The following LHX8 variants were observed in gnomAD, a reference collection of about 807,000 sequenced individuals.
The protein encoded by LHX8 is LIM/homeobox protein Lhx8.
In LHX8, 12 loss-of-function variants were observed where a neutral mutation model predicts 40.3. The ratio of observed to expected loss-of-function variants is 0.30; its 90% CI spans 0.19 to 0.48. LHX8 has a LOEUF of 0.48. Among genes scored for constraint, LHX8 ranks in the 20% least tolerant of loss-of-function variants. The probability of loss-of-function intolerance (pLI) is 0.99; values close to 1 mark genes in which losing one functional copy is unlikely to be tolerated. For synonymous variants in LHX8, 179 were observed against 162.0 expected, an observed-to-expected ratio of 1.10 and a Z score of -0.80; for missense variants, 344 against 433.7, an observed-to-expected ratio of 0.79 and a Z score of 1.84.
At chr1:75,171,094 A>G in the LHX8 span, among the ~76,000 whole-genome samples, 67 of 152,310 alleles carry the variant, frequency 4.4e-4, no homozygotes, top group African/African-American at 1.6e-3. Flanking sequence ...TGGCCTGGGA[A>G]CAAGCCAACT....
the LHX8 span, among the ~76,000 whole-genome samples, chr1:75,178,322 G>A: frequency 1.3e-5 from 2 of 151,784 alleles, no homozygotes; most frequent in Non-Finnish European, 2.9e-5. Context: ...TTTGTTGGTA[G>A]GCTATTAATT....
intron 7 of LHX8, among the ~76,000 whole-genome samples, chr1:75,155,860 C>T (rs1018085892): frequency 2.0e-5 from 3 of 152,174 alleles, no homozygotes; most frequent in African/African-American, 7.2e-5. Flanking sequence ...AGAAATTGAA[C>T]TCAGCAGGTT....
chr1:75,185,299 A>G, the LHX8 span, among the ~76,000 whole-genome samples: 1 of 152,258 alleles, frequency 6.6e-6, no homozygotes, highest in African/African-American at 2.4e-5. Flanking sequence ...GACACAACAG[A>G]AAAAGAAGAC....
Position 75,136,705 on chromosome 1 carries a change from C to G in LHX8, c.75+16C>G. The G allele has an allele frequency of 7.8e-6, 12 of 1,538,324 alleles. No homozygotes were observed. Among genetic ancestry groups the G allele is most frequent in the Non-Finnish European group, 9.6e-6 (11 of 1,143,982 alleles). Reference sequence around the variant, plus strand: ...AGAGGGACTGGTGAGTGCGGAGGGGCTCGCGTGCTGGCAAGACTGGCCGTG... The same window carrying G: ...AGAGGGACTGGTGAGTGCGGAGGGGGTCGCGTGCTGGCAAGACTGGCCGTG... On this transcript the variant is annotated intron_variant, in intron 2 of 8. Transcript: ENST00000356261.
At position 75,143,350 on chromosome 1, in the gene LHX8, C is replaced by T. The variant is rs768239726; in HGVS notation, c.580+12C>T. The T allele has an allele frequency of 6.3e-7, 1 of 1,586,256 alleles. No individual in the cohort carries two copies. Among genetic ancestry groups the T allele is most frequent in the Admixed American group, 1.7e-5 (1 of 59,464 alleles). On this transcript the variant is annotated intron_variant, in intron 5 of 8. Transcript: ENST00000356261. The stretch of plus-strand genomic sequence containing the variant: ...AGAAGTAGAAAATGGTAAATATGTA[C>T]TTAAATACTTTTGAGTCTTTTGAGA...
At chr1:75,131,049 C>A, upstream of LHX8, 2 of 443,600 alleles carry the variant, frequency 4.5e-6, no homozygotes, top group South Asian at 4.6e-5. Context: ...CGGTGAGGGC[C>A]GCGGGCCAGG....
the LHX8 span, among the ~76,000 whole-genome samples, chr1:75,182,015 C>T: frequency 5.9e-5 from 9 of 152,086 alleles, no homozygotes; most frequent in African/African-American, 2.2e-4. Flanking sequence ...AGGTCCCATC[C>T]ATTTATCTTT....
chr1:75,192,616 T>G, the LHX8 span, among the ~76,000 whole-genome samples: 1 of 152,218 alleles, frequency 6.6e-6, no homozygotes, highest in African/African-American at 2.4e-5. Context: ...GATATTTTGT[T>G]GTTCTTTCAT....
chr1:75,186,267 A>G, the LHX8 span, among the ~76,000 whole-genome samples: 35,958 of 152,056 alleles, frequency 0.24, 4,662 homozygotes, highest in Middle Eastern at 0.35. Flanking sequence ...AAAGCTGGAG[A>G]TATCACATTA....
chr1:75,181,187 G>C, the LHX8 span, among the ~76,000 whole-genome samples: 1 of 152,136 alleles, frequency 6.6e-6, no homozygotes, highest in Admixed American at 6.5e-5. Context: ...TTGAGGAGGT[G>C]GTCTGTCCAT....
chr1:75,157,731 A>G (rs949443301), intron 8 of LHX8, among the ~76,000 whole-genome samples: 2 of 152,292 alleles, frequency 1.3e-5, no homozygotes, highest in East Asian at 1.9e-4. Flanking sequence ...ATTCACCTAT[A>G]TTATTGTGAG....
chr1:75,157,401 C>CA, intron 8 of LHX8, among the ~76,000 whole-genome samples: 1 of 152,252 alleles, frequency 6.6e-6, no homozygotes, highest in East Asian at 1.9e-4. Context: ...AGCAAGTGTT[C>CA]ACTCAGATCT....
intron 7 of LHX8, among the ~76,000 whole-genome samples, chr1:75,150,765 C>G (rs1027755144): frequency 3.3e-5 from 5 of 150,092 alleles, no homozygotes; most frequent in Admixed American, 3.3e-4. Flanking sequence ...GAACCTCCGC[C>G]TCCCGGGTTC....
chr1:75,175,097 T>A, the LHX8 span, among the ~76,000 whole-genome samples: 1 of 152,270 alleles, frequency 6.6e-6, no homozygotes, highest in Non-Finnish European at 1.5e-5. Flanking sequence ...GCACTTAGAA[T>A]AATGGTCTCC....
In LHX8 at chr1:75,160,900, T is replaced by G. The variant is rs2100367335; in HGVS notation, c.*5T>G. The stretch of plus-strand genomic sequence containing the variant: ...CTGCCAATAAGTCATACCTAATTCT[T>G]TTTTCAGGGATAGACTTGATTAAGG... On this transcript the variant is annotated 3_prime_UTR_variant, in exon 9 of 9. Transcript: ENST00000356261. 1.3e-6 allele frequency: 2 copies of G among 1,594,584 alleles called. No homozygotes were observed. The highest frequency in any genetic ancestry group is 1.7e-6 in the Non-Finnish European group (2 of 1,162,372).
downstream of LHX8, among the ~76,000 whole-genome samples, chr1:75,165,594 G>T (rs867201869): frequency 3.3e-5 from 5 of 152,216 alleles, no homozygotes; most frequent in African/African-American, 1.2e-4. Flanking sequence ...AGGAAAAAAA[G>T]ATGTTAAGAA....
chr1:75,161,323 A>G lies in LHX8; in HGVS notation c.*428A>G, dbSNP rs924447155. On this transcript the variant is annotated 3_prime_UTR_variant, in exon 9 of 9. Transcript: ENST00000356261. ...TGTATTTTTTGTTATATACAACTTT[A>G]TACTTTGAAGCTTGTATCTGTGAAT... 1.1e-5 allele frequency: 2 copies of G among 179,582 alleles called. No homozygotes were observed. The highest frequency in any genetic ancestry group is 1.2e-5 in the Non-Finnish European group (1 of 84,786). 11.1% of individuals were successfully genotyped at this position (179,582 alleles called of 1,614,324 possible).
At chr1:75,178,867 A>G in the LHX8 span, among the ~76,000 whole-genome samples, 6 of 152,038 alleles carry the variant, frequency 3.9e-5, no homozygotes, top group African/African-American at 9.7e-5. Context: ...ATTCTGATAC[A>G]TTGTGTCTTT....
chr1:75,182,369 C>CTTTTTTT, the LHX8 span, among the ~76,000 whole-genome samples: 3 of 92,316 alleles, frequency 3.2e-5, no homozygotes, highest in Non-Finnish European at 4.1e-5. Flanking sequence ...TGCCTATTTC[C>CTTTTTTT]TTTTTTTTTT....
Sources: gnomAD v4.1 joint callset for allele counts (sites outside exome capture counted in the v4.1 genomes callset) on GRCh38, gnomAD v4.1.1 for gene constraint, MANE v1.5 for transcripts, NCBI Gene and HGNC (gene_info 2026-07-23, HGNC 2026-07-21) for gene names.